Variants in EZR observed in about 807,000 individuals in gnomAD.
EZR encodes the protein cytovillin 2.
A neutral mutation model predicts 74.8 loss-of-function variants in EZR; 40 were observed. That is an observed-to-expected ratio of 0.53 (90% CI 0.42 to 0.70). The LOEUF is 0.70. EZR is among the 30% of genes least tolerant of loss of function. The pLI is 0.00. For missense variants in EZR, 678 were observed against 755.8 expected (o/e 0.90, Z 1.21); for synonymous variants, 341 against 283.3 (o/e 1.20, Z -2.05).
chr6:158,772,551 G>A (rs1443410696), intron 8 of EZR, among the ~76,000 whole-genome samples: 6 of 152,190 alleles, frequency 3.9e-5, no homozygotes, highest in Non-Finnish European at 5.9e-5. Context: ...GGAGCCTCCT[G>A]GAAAACAAGG....
At chr6:158,817,234 CCTTCCCCCTAA>C (rs1391856366) in intron 2 of EZR, among the ~76,000 whole-genome samples, 1 of 152,176 alleles carries the variant, frequency 6.6e-6, no homozygotes, top group Non-Finnish European at 1.5e-5. Flanking sequence ...AAATGTTAAA[CCTTCCCCCTAA>C]TGTCTAGTCA....
intron 2 of EZR, among the ~76,000 whole-genome samples, chr6:158,793,935 C>T (rs1362494812): frequency 2.0e-5 from 3 of 152,138 alleles, no homozygotes; most frequent in African/African-American, 4.8e-5. Context: ...ATGACAGGAC[C>T]ATTTACATAC....
At position 158,784,599 on chromosome 6, in the gene EZR, G is replaced by A. The variant is rs533508691; in HGVS notation, c.551+45C>T. On this transcript the variant is annotated intron_variant, in intron 6 of 13. Transcript: ENST00000367075. ...GAGTCACAGGAAAAGACATGCTGGAGCGCACGGAGATGGCAAGATCCCAAC... is the reference window on the plus strand; with the variant it reads ...GAGTCACAGGAAAAGACATGCTGGAACGCACGGAGATGGCAAGATCCCAAC... 1,252 of 1,522,444 alleles carry A rather than the reference G, an allele frequency of 8.2e-4. 10 individuals carry two copies. In the South Asian group the frequency reaches 0.011, roughly 14 times the overall value. 94.3% of individuals were successfully genotyped at this position (1,522,444 alleles called of 1,614,324 possible). A position where few individuals can be genotyped will look rare whatever the true frequency, so the allele number is the denominator to read the frequency against.
chr6:158,768,597 T>A (rs1040697964), intron 12 of EZR, among the ~76,000 whole-genome samples: 3 of 152,096 alleles, frequency 2.0e-5, no homozygotes, highest in African/African-American at 7.2e-5. Flanking sequence ...CAGTCTCCAG[T>A]GGGAACCATC....
At chr6:158,795,038 G>A (rs1254328447) in intron 2 of EZR, among the ~76,000 whole-genome samples, 2 of 152,114 alleles carry the variant, frequency 1.3e-5, no homozygotes, top group African/African-American at 2.4e-5. Flanking sequence ...ATCACTTGAT[G>A]TCAGGAGTTC....
rs71551137 is a variant in EZR at position 158,766,314 on chromosome 6, A to T, written c.*600T>A. The T allele has an allele frequency of 0.3, 17,057 of 56,570 alleles. 1,172 individuals are homozygous for T. The highest frequency in any genetic ancestry group is 0.36 in the African/African-American group (7,097 of 19,928). The allele number at this position is 56,570 out of a possible 1,614,324, so 3.5% of individuals were successfully genotyped here. A position where few individuals can be genotyped will look rare whatever the true frequency, so the allele number is the denominator to read the frequency against. ...ACTGTTAAGCAAAAAAAAAAAAAAC[A>T]AAAAAAAAAATCCAAGTGTCCTCCT... On this transcript the variant is annotated 3_prime_UTR_variant, in exon 14 of 14. Coordinates refer to ENST00000367075, the MANE Select transcript of EZR (RefSeq NM_001111077.2).
chr6:158,769,095 C>T (rs1791012450), intron 12 of EZR, among the ~76,000 whole-genome samples: 1 of 152,240 alleles, frequency 6.6e-6, no homozygotes, highest in Admixed American at 6.5e-5. Context: ...ATGAATCCAG[C>T]AGCTGCACTG....
At chr6:158,796,495 G>A (rs1777074747) in intron 2 of EZR, among the ~76,000 whole-genome samples, 1 of 152,214 alleles carries the variant, frequency 6.6e-6, no homozygotes, top group Admixed American at 6.5e-5. Context: ...AGTGGCTGGA[G>A]ACCATTTAAT....
chr6:158,769,898 C>T lies in EZR; in HGVS notation c.1137G>A (p.Arg379=), dbSNP rs1378499781. Residue 379 remains arginine, a synonymous_variant, in exon 11 of 14, where the codon AGG becomes AGA. Coordinates refer to ENST00000367075, the MANE Select transcript of EZR (RefSeq NM_001111077.2). The part of the protein sequence containing the change: ...IQRALQLEEE[R]KRAQEEAERL... ...GCTCGGCCTCCTCCTGTGCCCGCTT[C>T]CTCTCCTCCTCCAGCTGCAGGGCCC... 6.2e-7 allele frequency: 1 copy of T among 1,613,190 alleles called. No homozygotes were observed. Among genetic ancestry groups the T allele is most frequent in the Non-Finnish European group, 8.5e-7 (1 of 1,180,032 alleles).
intron 2 of EZR, among the ~76,000 whole-genome samples, chr6:158,798,659 T>C (rs2128573403): frequency 6.8e-6 from 1 of 147,102 alleles, no homozygotes; most frequent in East Asian, 2.1e-4. Flanking sequence ...AGAAAGGGTC[T>C]CTCGCTCTGT....
chr6:158,787,021 A>C (rs1791599809), intron 4 of EZR, 87 bp downstream of exon 4: 2 of 1,082,054 alleles, frequency 1.8e-6, no homozygotes, highest in Non-Finnish European at 2.8e-6. Context: ...CAGAAAACAA[A>C]AGACAGGGTG....
chr6:158,787,034 T>C, intron 4 of EZR, 74 bp downstream of exon 4: 1 of 1,190,440 alleles, frequency 8.4e-7, no homozygotes, highest in Non-Finnish European at 1.2e-6. Flanking sequence ...ACAGGGTGAG[T>C]TGCTCCAGTT....
intron 7 of EZR, among the ~76,000 whole-genome samples, chr6:158,776,919 G>A (rs1791295825): frequency 2.0e-5 from 3 of 152,126 alleles, no homozygotes; most frequent in Non-Finnish European, 4.4e-5. Flanking sequence ...TGCTGGAGCA[G>A]CCCTACTTTC....
rs748493999 is a variant in EZR, at chr6:158,770,786, C to T, written c.1068G>A (p.Glu356=). Residue 356 remains glutamate, a synonymous_variant, in exon 10 of 14, where the codon GAG becomes GAA. Transcript: ENST00000367075. ...GACCTCTCTCTGCCTTCTTTGTCTT[C>T]TCCTCATAGTCCTGCAGCCGCAGCA... The part of the protein sequence containing the change: ...ELMLRLQDYE[E]KTKKAERELS... The T allele has an allele frequency of 6.2e-7, 1 of 1,614,174 alleles. No individual in the cohort carries two copies. The highest frequency in any genetic ancestry group is 1.1e-5 in the South Asian group (1 of 91,080).
At chr6:158,782,566 A>G (rs1019818061) in intron 7 of EZR, among the ~76,000 whole-genome samples, 1 of 152,216 alleles carries the variant, frequency 6.6e-6, no homozygotes, top group Non-Finnish European at 1.5e-5. Context: ...ACCCAGGCCA[A>G]AAGGCAGGGC....
At chr6:158,790,863 T>C (rs879413650) in intron 2 of EZR, among the ~76,000 whole-genome samples, 1 of 152,244 alleles carries the variant, frequency 6.6e-6, no homozygotes, top group Non-Finnish European at 1.5e-5. Flanking sequence ...TAATGCTTAA[T>C]ATTAAGAAAT....
intron 7 of EZR, among the ~76,000 whole-genome samples, chr6:158,781,747 G>GTTCCTGTATC (rs56109661): frequency 0.78 from 117,769 of 151,712 alleles, 47,602 homozygotes; most frequent in African/African-American, 0.91. Flanking sequence ...CTGGTTCCAA[G>GTTCCTGTATC]TACCCACTTT....
chr6:158,767,081 G>GT lies in EZR; in HGVS notation c.1597-4dup, dbSNP rs756213350. 1 of 1,614,122 alleles carries GT rather than the reference G, an allele frequency of 6.2e-7. No individual in the cohort carries two copies. Among genetic ancestry groups the GT allele is most frequent in the East Asian group, 2.2e-5 (1 of 44,880 alleles). ...TGGGACAGCTCGCTGCTCAGCGTCT[G>GT]TAACATTAAGCAGCATTGGTCTAGT... On this transcript the variant is annotated splice_region_variant and splice_polypyrimidine_tract_variant and intron_variant, in intron 13 of 13. Coordinates refer to ENST00000367075, the MANE Select transcript of EZR (RefSeq NM_001111077.2).
chr6:158,796,022 C>G (rs1196288376), intron 2 of EZR, among the ~76,000 whole-genome samples: 1 of 152,220 alleles, frequency 6.6e-6, no homozygotes, highest in African/African-American at 2.4e-5. Context: ...AGGTGTGACA[C>G]AGCCAGTGCC....
Sources: allele counts gnomAD v4.1 joint callset (sites outside exome capture counted in the v4.1 genomes callset), GRCh38; gene constraint gnomAD v4.1.1; transcripts MANE v1.5; gene names NCBI Gene and HGNC (gene_info 2026-07-23, HGNC 2026-07-21).